The following ABR variants were observed in gnomAD, a reference collection of about 807,000 sequenced individuals.
The protein encoded by ABR is ABR activator of RhoGEF and GTPase, also known as active breakpoint cluster region-related protein.
Under a neutral mutation model 107.2 loss-of-function variants are expected in ABR, and 35 were observed. That is an observed-to-expected ratio of 0.33 (90% confidence interval 0.25 to 0.43). The LOEUF is 0.43. ABR is among the 20% of genes least tolerant of loss of function. The probability of loss-of-function intolerance (pLI) is 1.00; values close to 1 mark genes in which losing one functional copy is unlikely to be tolerated. For synonymous variants in ABR, 498 were observed against 462.0 expected, an observed-to-expected ratio of 1.08 and a Z score of -1.00; for missense variants, 815 against 1,115.2, an observed-to-expected ratio of 0.73 and a Z score of 3.83.
chr17:1,012,519 T>G (rs1389178855), intron 18 of ABR, 169 bp downstream of exon 18: 1 of 703,594 alleles, frequency 1.4e-6, no homozygotes, highest in East Asian at 2.7e-5. Flanking sequence ...AAGTGTCCTG[T>G]GAGCGCCTCT....
chr17:1,057,308 T>TGTGTGTGTG (rs1567668733), intron 12 of ABR, among the ~76,000 whole-genome samples: 3 of 67,962 alleles, frequency 4.4e-5, no homozygotes, highest in Non-Finnish European at 6.1e-5. Flanking sequence ...CTGAAGAGGT[T>TGTGTGTGTG]TGTGTGTGTG....
intron 16 of ABR, among the ~76,000 whole-genome samples, chr17:1,023,237 T>A (rs113001713): frequency 0.081 from 12,337 of 151,784 alleles, 1,573 homozygotes; most frequent in African/African-American, 0.27. Context: ...GCACCCACTT[T>A]GCTTTTAGCC....
At chr17:1,198,008 C>T (rs979972464) in intron 1 of ABR, among the ~76,000 whole-genome samples, 2 of 151,736 alleles carry the variant, frequency 1.3e-5, no homozygotes, top group East Asian at 3.8e-4. Context: ...CAGCCCCACG[C>T]TGTGGGTTAG....
intron 16 of ABR, among the ~76,000 whole-genome samples, chr17:1,013,468 G>A (rs1046005632): frequency 6.6e-6 from 1 of 151,722 alleles, no homozygotes; most frequent in South Asian, 2.1e-4. Context: ...GGGAGGCAGG[G>A]CACACCCTGT....
chr17:1,101,957 T>C (rs370671250), intron 2 of ABR, among the ~76,000 whole-genome samples: 42 of 152,066 alleles, frequency 2.8e-4, no homozygotes, highest in Admixed American at 7.9e-4. Context: ...ATGGTCTCGA[T>C]CTCCTGACCT....
chr17:1,151,647 G>A (rs573420458), intron 1 of ABR, among the ~76,000 whole-genome samples: 38 of 152,300 alleles, frequency 2.5e-4, no homozygotes, highest in African/African-American at 9.1e-4. Context: ...CTGATTCTGG[G>A]GATGGCTGAC....
At chr17:1,217,884 G>A (rs772381844) in intron 1 of ABR, among the ~76,000 whole-genome samples, 6 of 152,224 alleles carry the variant, frequency 3.9e-5, no homozygotes, top group Admixed American at 2.0e-4. Context: ...TAGCAGAGAC[G>A]GGGTTTCACC....
chr17:1,189,055 G>A (rs1482612024), upstream of ABR, among the ~76,000 whole-genome samples: 1 of 152,194 alleles, frequency 6.6e-6, no homozygotes, highest in Non-Finnish European at 1.5e-5. Context: ...GGTCAGCTCA[G>A]TCTCATGAAC....
intron 2 of ABR, among the ~76,000 whole-genome samples, chr17:1,114,325 C>A (rs2038880881): frequency 6.6e-6 from 1 of 151,700 alleles, no homozygotes; most frequent in Non-Finnish European, 1.5e-5. Flanking sequence ...CAAAAATTAA[C>A]CAGGAGGGGT....
intron 9 of ABR, among the ~76,000 whole-genome samples, chr17:1,067,732 CAAGA>C (rs2034868972): frequency 6.6e-6 from 1 of 152,152 alleles, no homozygotes; most frequent in African/African-American, 2.4e-5. Flanking sequence ...CCAAGTCTAG[CAAGA>C]AAGTGTGCCC....
rs2070368339 is a variant in ABR at position 1,009,672 on chromosome 17, C to T, written c.2342+7G>A. 1 of 1,612,144 alleles carries T rather than the reference C, an allele frequency of 6.2e-7. No individual in the cohort carries two copies. Among genetic ancestry groups the T allele is most frequent in the African/African-American group, 1.3e-5 (1 of 74,864 alleles). On this transcript the variant is annotated splice_region_variant and intron_variant, in intron 21 of 22. Transcript: ENST00000302538. Reference sequence around the variant, plus strand: ...GAGGAGGTGGGGTTGGGGCCGCTCCCCGTTACCTTTTCAAGTGTTCCAGCA... The same window carrying T: ...GAGGAGGTGGGGTTGGGGCCGCTCCTCGTTACCTTTTCAAGTGTTCCAGCA...
At chr17:1,222,627 C>G (rs2150762964) in intron 1 of ABR, among the ~76,000 whole-genome samples, 1 of 152,266 alleles carries the variant, frequency 6.6e-6, no homozygotes, top group East Asian at 1.9e-4. Context: ...TAAAAAGTCT[C>G]AGGGCCAAGT....
rs374425162 is a variant in ABR, at chr17:1,123,134, T to C, written c.246+2049A>G. ...CGTGTAAACAGCAATCCCTGCAGAG[T>C]CCACTAGGTGGGGCCGGTGACCCAG... On this transcript the variant is annotated intron_variant, in intron 2 of 22. Coordinates refer to ENST00000302538, the MANE Select transcript of ABR (RefSeq NM_021962.5). Among the ~76,000 whole-genome samples, 7 of 152,000 alleles carry C rather than the reference T, an allele frequency of 4.6e-5. No individual in the cohort carries two copies. The East Asian group carries it at 1.4e-3, about 29-fold the overall frequency.
chr17:1,189,202 A>G (rs1297905535), upstream of ABR, among the ~76,000 whole-genome samples: 3 of 152,194 alleles, frequency 2.0e-5, no homozygotes, highest in African/African-American at 7.2e-5. Context: ...GAGCAGTCCC[A>G]GGCTCACGAG....
At chr17:1,064,741 C>G (rs1423266694) in intron 10 of ABR, among the ~76,000 whole-genome samples, 1 of 133,720 alleles carries the variant, frequency 7.5e-6, no homozygotes. Flanking sequence ...TATGCATGTT[C>G]CTCTAGACAC....
At chr17:1,112,480 T>C (rs2038730486) in intron 2 of ABR, among the ~76,000 whole-genome samples, 1 of 152,052 alleles carries the variant, frequency 6.6e-6, no homozygotes, top group Non-Finnish European at 1.5e-5. Flanking sequence ...ACCTGAAATC[T>C]CAGGTACTCA....
At chr17:1,094,370 A>ATT (rs541367607) in intron 3 of ABR, among the ~76,000 whole-genome samples, 1,788 of 139,880 alleles carry the variant, frequency 0.013, 14 homozygotes, top group Middle Eastern at 0.034. Context: ...CCAGACTGCA[A>ATT]TTTTTTTTTT....
intron 16 of ABR, among the ~76,000 whole-genome samples, 190 bp from the exon 17 acceptor site, chr17:1,013,354 C>T (rs1313078691): frequency 6.7e-6 from 1 of 149,498 alleles, no homozygotes; most frequent in Non-Finnish European, 1.5e-5. Context: ...CTGTGGCCGC[C>T]GTGGGGGAGG....
chr17:1,199,427 T>A (rs1009197841), intron 1 of ABR, among the ~76,000 whole-genome samples: 1 of 150,578 alleles, frequency 6.6e-6, no homozygotes, highest in Non-Finnish European at 1.5e-5. Context: ...TGAAACAGGA[T>A]CTTGCTCTGT....
Sources: allele counts gnomAD v4.1 joint callset (sites outside exome capture counted in the v4.1 genomes callset), GRCh38; gene constraint gnomAD v4.1.1; transcripts MANE v1.5; gene names NCBI Gene and HGNC (gene_info 2026-07-23, HGNC 2026-07-21).